The following ADGRB3 variants were observed in gnomAD, a reference collection of about 807,000 sequenced individuals.
ADGRB3 encodes brain-specific angiogenesis inhibitor 3.
A neutral mutation model predicts 193.4 loss-of-function variants in ADGRB3; 37 were observed. That is an observed-to-expected ratio of 0.19 (90% CI 0.15 to 0.25). ADGRB3 has a LOEUF of 0.25. Among genes scored for constraint, ADGRB3 ranks in the 10% least tolerant of loss-of-function variants. The probability of loss-of-function intolerance (pLI) is 1.00; values close to 1 mark genes in which losing one functional copy is unlikely to be tolerated. For missense variants in ADGRB3, 1,637 were observed against 1,852.9 expected (o/e 0.88, Z 2.14); for synonymous variants, 690 against 644.2 (o/e 1.07, Z -1.08).
chr6:69,292,597 A>G lies in ADGRB3; in HGVS notation c.2815-32275A>G, dbSNP rs540545075. On this transcript the variant is annotated intron_variant, in intron 20 of 31. Coordinates refer to ENST00000370598, the MANE Select transcript of ADGRB3 (RefSeq NM_001704.3). Reference sequence around the variant, plus strand: ...TCTGCTCCAGGTCATAGGAAACTACATTTGTCAGACTCTGCTGCCTGTTGG... The same window carrying G: ...TCTGCTCCAGGTCATAGGAAACTACGTTTGTCAGACTCTGCTGCCTGTTGG... Among the ~76,000 whole-genome samples, 5 of 152,050 alleles carry G rather than the reference A, an allele frequency of 3.3e-5. No homozygotes were observed. In the East Asian group the frequency reaches 5.8e-4, roughly 18 times the overall value.
chr6:69,141,609 T>A (rs1364210659), intron 17 of ADGRB3, among the ~76,000 whole-genome samples: 2 of 151,642 alleles, frequency 1.3e-5, no homozygotes, highest in African/African-American at 4.9e-5. Context: ...GAGGTCAGAG[T>A]GACCTGGAGA....
chr6:69,113,482 A>G (rs917149969), intron 17 of ADGRB3, among the ~76,000 whole-genome samples: 4 of 152,154 alleles, frequency 2.6e-5, no homozygotes, highest in Non-Finnish European at 4.4e-5. Flanking sequence ...TAAAAAAACT[A>G]AAGTTATAAT....
intron 30 of ADGRB3, among the ~76,000 whole-genome samples, chr6:69,381,509 A>G (rs762664801): frequency 3.9e-5 from 6 of 151,978 alleles, no homozygotes; most frequent in Admixed American, 6.6e-5. Flanking sequence ...GAGCTAAACA[A>G]TGTATTGCCT....
At chr6:69,382,516 T>G (rs1420654709) in intron 30 of ADGRB3, among the ~76,000 whole-genome samples, 1 of 151,946 alleles carries the variant, frequency 6.6e-6, no homozygotes, top group African/African-American at 2.4e-5. Context: ...GATAACAGTT[T>G]TTGTAAAACA....
chr6:69,294,704 T>C (rs933005840), intron 20 of ADGRB3, among the ~76,000 whole-genome samples: 4 of 152,182 alleles, frequency 2.6e-5, no homozygotes, highest in African/African-American at 9.7e-5. Flanking sequence ...TTTGGTTTCT[T>C]GATAACGCTT....
intron 20 of ADGRB3, among the ~76,000 whole-genome samples, chr6:69,295,115 C>G (rs565557087): frequency 6.6e-6 from 1 of 152,274 alleles, no homozygotes; most frequent in African/African-American, 2.4e-5. Flanking sequence ...ATCAACTTTA[C>G]TGCCTGATGT....
Position 69,389,030 on chromosome 6 carries a change from A to G in ADGRB3, c.*139A>G. ...TGTGCCAAACGTCAGTGGTGTTTTC[A>G]TATGGTAACTTCTCACTAGTCAGGC... On this transcript the variant is annotated 3_prime_UTR_variant, in exon 32 of 32. Coordinates refer to ENST00000370598, the MANE Select transcript of ADGRB3 (RefSeq NM_001704.3). 1 of 829,126 alleles carries G rather than the reference A, an allele frequency of 1.2e-6. No homozygotes were observed. The highest frequency in any genetic ancestry group is 1.8e-6 in the Non-Finnish European group (1 of 547,792). The allele number at this position is 829,126 out of a possible 1,614,324, so 51.4% of individuals were successfully genotyped here. A position where few individuals can be genotyped will look rare whatever the true frequency, so the allele number is the denominator to read the frequency against.
At chr6:69,320,661 A>G (rs888154345) in intron 20 of ADGRB3, among the ~76,000 whole-genome samples, 3 of 151,642 alleles carry the variant, frequency 2.0e-5, no homozygotes, top group Non-Finnish European at 4.4e-5. Flanking sequence ...ATCTCTTTCT[A>G]CTGCCTTCTT....
At chr6:69,108,645 C>G (rs1472056316) in intron 17 of ADGRB3, among the ~76,000 whole-genome samples, 1 of 151,870 alleles carries the variant, frequency 6.6e-6, no homozygotes, top group Non-Finnish European at 1.5e-5. Flanking sequence ...ATGTGGAGAT[C>G]AAAATTTAGT....
At chr6:68,673,605 A>AT (rs1368242780) in intron 3 of ADGRB3, among the ~76,000 whole-genome samples, 5 of 152,142 alleles carry the variant, frequency 3.3e-5, no homozygotes, top group Non-Finnish European at 5.9e-5. Flanking sequence ...AAACCTTAAC[A>AT]TGTTATTGGA....
At chr6:69,004,250 C>A (rs934580601) in intron 11 of ADGRB3, among the ~76,000 whole-genome samples, 1 of 152,160 alleles carries the variant, frequency 6.6e-6, no homozygotes, top group Non-Finnish European at 1.5e-5. Flanking sequence ...GAGGCTAGAT[C>A]TCCAAGATCG....
At chr6:69,109,102 C>T (rs148737543) in intron 17 of ADGRB3, among the ~76,000 whole-genome samples, 18 of 152,278 alleles carry the variant, frequency 1.2e-4, no homozygotes, top group African/African-American at 3.6e-4. Flanking sequence ...TGATTTATCT[C>T]TTAATAAAAC....
At chr6:68,683,406 T>G (rs879103914) in intron 3 of ADGRB3, among the ~76,000 whole-genome samples, 1 of 152,194 alleles carries the variant, frequency 6.6e-6, no homozygotes, top group Admixed American at 6.5e-5. Context: ...TCAAAAATTT[T>G]GTTGATTTGG....
chr6:68,929,919 A>G (rs2150245949), intron 3 of ADGRB3, among the ~76,000 whole-genome samples: 1 of 152,132 alleles, frequency 6.6e-6, no homozygotes, highest in East Asian at 1.9e-4. Context: ...TATAAATATA[A>G]CTTTTAAAAG....
chr6:69,038,334 A>ACC (rs1770936164), intron 13 of ADGRB3, among the ~76,000 whole-genome samples: 1 of 151,726 alleles, frequency 6.6e-6, no homozygotes, highest in Admixed American at 6.6e-5. Context: ...ACACAGACAC[A>ACC]CACACACACA....
rs199972122 is a variant in ADGRB3, at chr6:68,952,731, G to A, written c.1196-3293G>A. ...TTGGTTCTCAGTGTAAAATAAAATC[G>A]CAAAAAATGCCCACTTGATGTATCT... On this transcript the variant is annotated intron_variant, in intron 6 of 31. Transcript: ENST00000370598. 1.4e-4 allele frequency among the ~76,000 whole-genome samples: 21 copies of A among 152,056 alleles called. No individual in the cohort carries two copies. The East Asian group carries it at 2.9e-3, about 21-fold the overall frequency.
At chr6:68,746,580 C>T (rs998184881) in intron 3 of ADGRB3, among the ~76,000 whole-genome samples, 1 of 151,926 alleles carries the variant, frequency 6.6e-6, no homozygotes, top group African/African-American at 2.4e-5. Flanking sequence ...CTCAATGACC[C>T]TTTGTTTTTC....
chr6:69,174,248 C>A (rs1306876088), intron 17 of ADGRB3, among the ~76,000 whole-genome samples: 3 of 152,106 alleles, frequency 2.0e-5, no homozygotes, highest in African/African-American at 7.2e-5. Flanking sequence ...GCACTTGCAT[C>A]CCTCTCTTCC....
At chr6:69,221,915 A>G (rs377054196) in intron 17 of ADGRB3, among the ~76,000 whole-genome samples, 11 of 152,158 alleles carry the variant, frequency 7.2e-5, no homozygotes, top group East Asian at 5.8e-4. Context: ...ATGACTTAAT[A>G]TGTGGTTTAG....
Sources: gnomAD v4.1 joint callset for allele counts (sites outside exome capture counted in the v4.1 genomes callset) on GRCh38, gnomAD v4.1.1 for gene constraint, MANE v1.5 for transcripts, NCBI Gene and HGNC (gene_info 2026-07-23, HGNC 2026-07-21) for gene names.